The following GPHN variants were observed in gnomAD, a reference collection of about 807,000 sequenced individuals.
GPHN encodes the protein gephyrin.
GPHN carries 17 observed loss-of-function variants against 95.5 expected under a neutral mutation model. The observed-to-expected ratio is 0.18, with a 90% CI of 0.12 to 0.27. The LOEUF is 0.27. GPHN is among the 10% of genes least tolerant of loss of function. GPHN has a pLI of 1.00. For missense variants in GPHN, 660 were observed against 978.1 expected, an observed-to-expected ratio of 0.67 and a Z score of 4.34; for synonymous variants, 320 against 322.5, an observed-to-expected ratio of 0.99 and a Z score of 0.08.
intron 1 of GPHN, among the ~76,000 whole-genome samples, chr14:66,677,223 G>C (rs1257659966): frequency 1.3e-5 from 2 of 151,554 alleles, no homozygotes; most frequent in Non-Finnish European, 2.9e-5. Context: ...TTTATCTTTC[G>C]ATAAAACCAG....
intron 3 of GPHN, among the ~76,000 whole-genome samples, chr14:66,795,560 C>T (rs988391917): frequency 6.6e-6 from 1 of 151,710 alleles, no homozygotes; most frequent in African/African-American, 2.4e-5. Flanking sequence ...ATATATTCTT[C>T]GAATGTGTTT....
At chr14:67,669,939 C>T in the GPHN span, among the ~76,000 whole-genome samples, 1 of 152,218 alleles carries the variant, frequency 6.6e-6, no homozygotes. Context: ...ACTAAAAATA[C>T]AAAAAATTAG....
At chr14:66,575,368 T>G (rs560795575) in intron 1 of GPHN, among the ~76,000 whole-genome samples, 1 of 152,356 alleles carries the variant, frequency 6.6e-6, no homozygotes, top group South Asian at 2.1e-4. Flanking sequence ...AAAACATTTA[T>G]TTTTGTCTTT....
At chr14:67,659,853 G>C in the GPHN span, 2 of 1,614,136 alleles carry the variant, frequency 1.2e-6, no homozygotes, top group Admixed American at 3.3e-5. Context: ...CGGTAGTTTC[G>C]AAGCTTAGAC....
At chr14:66,594,227 T>C (rs1595149633) in intron 1 of GPHN, among the ~76,000 whole-genome samples, 1 of 152,128 alleles carries the variant, frequency 6.6e-6, no homozygotes, top group Non-Finnish European at 1.5e-5. Context: ...ATTGTTAAAG[T>C]GTCTCTACTT....
chr14:67,380,643 TTA>T, the GPHN span: 1 of 1,400,846 alleles, frequency 7.1e-7, no homozygotes, highest in African/African-American at 1.5e-5. Context: ...TGTTATTTAT[TTA>T]TGTTTTTGAC....
chr14:67,279,592 TTATAATG>T, the GPHN span: 4 of 1,447,282 alleles, frequency 2.8e-6, no homozygotes, highest in Non-Finnish European at 3.7e-6. Flanking sequence ...TATCTGTGCC[TTATAATG>T]TATATGAGAA....
chr14:67,692,540 T>C, the GPHN span: 2 of 1,611,478 alleles, frequency 1.2e-6, no homozygotes, highest in Non-Finnish European at 1.7e-6. Context: ...TGGATCTCTT[T>C]GGCCACCAAT....
chr14:66,739,164 A>G (rs1002022005), intron 2 of GPHN, among the ~76,000 whole-genome samples: 2 of 151,666 alleles, frequency 1.3e-5, no homozygotes, highest in Admixed American at 1.3e-4. Flanking sequence ...TGAATTTGCA[A>G]TTCAAATTCA....
intron 1 of GPHN, among the ~76,000 whole-genome samples, chr14:66,644,849 T>A (rs572945137): frequency 7.2e-5 from 11 of 152,282 alleles, no homozygotes; most frequent in African/African-American, 2.6e-4. Flanking sequence ...AAGTTTTGAA[T>A]AAGCTAATGA....
the GPHN span, among the ~76,000 whole-genome samples, chr14:67,371,233 G>T: frequency 2.0e-5 from 3 of 152,002 alleles, no homozygotes; most frequent in Non-Finnish European, 4.4e-5. Context: ...TGGCAATATA[G>T]GGAGACCCCA....
the GPHN span, among the ~76,000 whole-genome samples, chr14:67,732,176 C>A: frequency 1.0e-3 from 150 of 150,376 alleles, 2 homozygotes; most frequent in African/African-American, 3.4e-3. Context: ...GCGGCTCATG[C>A]CTGTAGTCCC....
intron 8 of GPHN, among the ~76,000 whole-genome samples, 194 bp from the exon 9 acceptor site, chr14:66,964,997 C>T (rs1249134467): frequency 6.6e-6 from 1 of 152,088 alleles, no homozygotes; most frequent in African/African-American, 2.4e-5. Context: ...TGAAATGGTA[C>T]TTGCCAGGGA....
intron 16 of GPHN, among the ~76,000 whole-genome samples, chr14:67,117,635 A>ACT (rs2078766959): frequency 2.0e-5 from 3 of 152,212 alleles, no homozygotes; most frequent in Non-Finnish European, 4.4e-5. Flanking sequence ...AAAACTAAGA[A>ACT]AAGTTCTTAT....
chr14:67,332,125 G>T, the GPHN span, among the ~76,000 whole-genome samples: 1 of 152,142 alleles, frequency 6.6e-6, no homozygotes, highest in Non-Finnish European at 1.5e-5. Flanking sequence ...TGTCTTCATT[G>T]GCAGGGGTGA....
Position 66,924,161 on chromosome 14 carries a change from C to T in GPHN, c.730-33C>T, listed in dbSNP as rs1437565895. 4.4e-6 allele frequency: 5 copies of T among 1,146,464 alleles called. No homozygotes were observed. The Admixed American group carries it at 5.1e-5, about 12-fold the overall frequency. 71.0% of individuals were successfully genotyped at this position (1,146,464 alleles called of 1,614,324 possible). The stretch of plus-strand genomic sequence containing the variant: ...TGTATAGTTTCATGTTTTCCTGTCA[C>T]TATATTCATAGTTGTTATGTGTTGT... On this transcript the variant is annotated intron_variant, in intron 7 of 22. Coordinates refer to ENST00000478722, the MANE Select transcript of GPHN (RefSeq NM_020806.5).
intron 2 of GPHN, among the ~76,000 whole-genome samples, chr14:66,698,264 A>G (rs938933472): frequency 6.6e-6 from 1 of 152,174 alleles, no homozygotes; most frequent in Admixed American, 6.5e-5. Context: ...TTCAAAATGG[A>G]GAAAAAGGTT....
chr14:66,952,384 A>G (rs1427085055), intron 8 of GPHN, among the ~76,000 whole-genome samples: 1 of 151,700 alleles, frequency 6.6e-6, no homozygotes, highest in East Asian at 1.9e-4. Flanking sequence ...TTATGGCTGC[A>G]CAATATTCCA....
the GPHN span, among the ~76,000 whole-genome samples, chr14:67,508,755 A>AAAAAAAAAAAAAAAAAAAC: frequency 6.8e-6 from 1 of 146,988 alleles, no homozygotes; most frequent in Non-Finnish European, 1.5e-5. Flanking sequence ...CCTTGTCTCA[A>AAAAAAAAAAAAAAAAAAAC]AAAAAAAAAA....
Sources: gnomAD v4.1 joint callset for allele counts (sites outside exome capture counted in the v4.1 genomes callset) on GRCh38, gnomAD v4.1.1 for gene constraint, MANE v1.5 for transcripts, NCBI Gene and HGNC (gene_info 2026-07-23, HGNC 2026-07-21) for gene names.